NRXN1: variants seen among roughly 807,000 people sequenced by gnomAD.
NRXN1 encodes the protein neurexin-1.
In NRXN1, 39 loss-of-function variants were observed where a neutral mutation model predicts 150.9. That is an observed-to-expected ratio of 0.26 (90% confidence interval 0.20 to 0.34). The LOEUF is 0.34. Ranked by LOEUF, NRXN1 falls within the 10% of genes least tolerant of loss-of-function variation. The pLI, the probability that NRXN1 is intolerant of heterozygous loss-of-function variation, is 1.00. For synonymous variants in NRXN1, 924 were observed against 757.0 expected (o/e 1.22, Z -3.62); for missense variants, 1,815 against 1,949.9 (o/e 0.93, Z 1.30).
intron 8 of NRXN1, among the ~76,000 whole-genome samples, chr2:50,600,321 C>CA (rs1553866509): frequency 8.3e-6 from 1 of 120,236 alleles, no homozygotes; most frequent in African/African-American, 3.2e-5. Flanking sequence ...TTAAGACTAG[C>CA]TTTTTTTTTT....
intron 18 of NRXN1, among the ~76,000 whole-genome samples, chr2:50,184,913 G>T (rs941758546): frequency 2.5e-4 from 38 of 152,116 alleles, no homozygotes; most frequent in Admixed American, 1.1e-3. Context: ...GTAAGTGACA[G>T]AGGTAGGATT....
In NRXN1 at chr2:50,538,540, G is replaced by A; in HGVS notation, c.1856C>T (p.Pro619Leu). 6.3e-7 allele frequency: 1 copy of A among 1,589,510 alleles called. No individual in the cohort carries two copies. Among genetic ancestry groups the A allele is most frequent in the Non-Finnish European group, 8.6e-7 (1 of 1,165,802 alleles). The change falls in exon 10 of 23, where the codon CCA becomes CTA. Residue 619 changes from proline to leucine, a missense_variant. Pro to Leu is a moderately conservative substitution (Grantham distance 98). Transcript: ENST00000401669. ...LDDELYLGGL[P>L]ENKAGLVFPT... ...GAAGACAAGGCCAGCTTTATTTTCT[G>A]GCAGCCCCCCCAGGTACAACTCATC...
chr2:50,690,799 T>G (rs945758697), intron 5 of NRXN1, among the ~76,000 whole-genome samples: 13 of 152,178 alleles, frequency 8.5e-5, no homozygotes, highest in African/African-American at 3.1e-4. Context: ...TGTTAAGTAC[T>G]TCTCTTGATT....
At chr2:50,589,870 T>C (rs979675037) in intron 8 of NRXN1, among the ~76,000 whole-genome samples, 4 of 152,198 alleles carry the variant, frequency 2.6e-5, no homozygotes, top group African/African-American at 9.7e-5. Flanking sequence ...CTATTGTCTG[T>C]TTCCTAGGCA....
intron 17 of NRXN1, among the ~76,000 whole-genome samples, chr2:50,359,236 CA>C (rs1303936032): frequency 6.6e-6 from 1 of 151,868 alleles, no homozygotes; most frequent in Non-Finnish European, 1.5e-5. Context: ...AGCAAGGGAA[CA>C]AAACTGGACG....
chr2:50,620,186 A>G lies in NRXN1; in HGVS notation c.1159-3T>C. The stretch of plus-strand genomic sequence containing the variant: ...ATCCCATCCACTGATATTGTCACCT[A>G]GATAACAAAGCACAGGGAAAGGACA... On this transcript the variant is annotated splice_polypyrimidine_tract_variant and splice_region_variant and intron_variant, in intron 7 of 22. Transcript: ENST00000401669. 6.2e-7 allele frequency: 1 copy of G among 1,613,062 alleles called. No homozygotes were observed. The highest frequency in any genetic ancestry group is 8.5e-7 in the Non-Finnish European group (1 of 1,179,434).
At chr2:50,681,798 A>G (rs1690445687) in intron 5 of NRXN1, among the ~76,000 whole-genome samples, 1 of 152,212 alleles carries the variant, frequency 6.6e-6, no homozygotes, top group Admixed American at 6.5e-5. Context: ...TTGATGTTAA[A>G]TCAATAATGT....
chr2:50,607,229 A>G (rs931522518), intron 8 of NRXN1, among the ~76,000 whole-genome samples: 12 of 152,108 alleles, frequency 7.9e-5, no homozygotes, highest in African/African-American at 2.7e-4. Context: ...TTGTCTTTTT[A>G]TAAACATGAT....
intron 9 of NRXN1, among the ~76,000 whole-genome samples, chr2:50,548,711 G>A (rs903223159): frequency 2.7e-5 from 4 of 150,822 alleles, no homozygotes; most frequent in African/African-American, 7.3e-5. Context: ...TGGAAATTAT[G>A]AACCTTATAA....
In NRXN1 at chr2:50,100,945, G is replaced by T. The variant is rs181994784; in HGVS notation, c.3547-9451C>A. Among the ~76,000 whole-genome samples the T allele has an allele frequency of 3.6e-4, 55 of 152,128 alleles. 1 individual carries two copies. Among genetic ancestry groups the T allele is most frequent in the Admixed American group, 3.1e-3 (47 of 15,260 alleles). On this transcript the variant is annotated intron_variant, in intron 18 of 22. Coordinates refer to ENST00000401669, the MANE Select transcript of NRXN1 (RefSeq NM_001330078.2). ...TATGGAACCTTCTTAATTTTTCACA[G>T]GTAATACTTTCCATTTGGATAGTTA...
At chr2:50,894,013 T>G (rs941637451) in intron 5 of NRXN1, among the ~76,000 whole-genome samples, 4 of 151,968 alleles carry the variant, frequency 2.6e-5, no homozygotes, top group Non-Finnish European at 5.9e-5. Context: ...TGTTGGACAT[T>G]TGGGTTGGTT....
intron 21 of NRXN1, among the ~76,000 whole-genome samples, chr2:49,995,871 A>G (rs1682891982): frequency 7.3e-6 from 1 of 137,210 alleles, no homozygotes; most frequent in South Asian, 2.6e-4. Flanking sequence ...TAAAAAAAAA[A>G]AAAAAAAAAA....
At chr2:50,380,475 G>C (rs544621159) in intron 17 of NRXN1, among the ~76,000 whole-genome samples, 2 of 151,930 alleles carry the variant, frequency 1.3e-5, no homozygotes, top group Non-Finnish European at 2.9e-5. Context: ...TTGAGATTTA[G>C]ATTGATAATA....
intron 5 of NRXN1, among the ~76,000 whole-genome samples, chr2:50,628,289 T>C (rs1225973840): frequency 6.6e-6 from 1 of 151,802 alleles, no homozygotes; most frequent in Non-Finnish European, 1.5e-5. Flanking sequence ...TTCCCCTTAC[T>C]TAAAAATGAA....
chr2:50,302,151 A>G (rs2074212377), intron 17 of NRXN1, among the ~76,000 whole-genome samples: 1 of 152,214 alleles, frequency 6.6e-6, no homozygotes, highest in Non-Finnish European at 1.5e-5. Flanking sequence ...TTTGAAACTA[A>G]GTTTTGTGGC....
In NRXN1 at chr2:50,595,721, G is replaced by T. The variant is rs1675089433; in HGVS notation, c.1320+24301C>A. The stretch of plus-strand genomic sequence containing the variant: ...CTTGTAATTCTGCCATAGAAAGGGA[G>T]AATTTGAAGGCATAAGTCTCTCAGG... On this transcript the variant is annotated intron_variant, in intron 8 of 22. Coordinates refer to ENST00000401669, the MANE Select transcript of NRXN1 (RefSeq NM_001330078.2). Among the ~76,000 whole-genome samples the T allele has an allele frequency of 3.9e-5, 6 of 152,158 alleles. No individual in the cohort carries two copies. The South Asian group carries it at 1.0e-3, about 26-fold the overall frequency.
chr2:50,886,431 T>C (rs1365198016), intron 5 of NRXN1, among the ~76,000 whole-genome samples: 5 of 151,440 alleles, frequency 3.3e-5, no homozygotes, highest in Non-Finnish European at 7.4e-5. Context: ...TTGTGGTTTC[T>C]ATTCAAATTA....
At position 50,538,302 on chromosome 2, in the gene NRXN1, A is replaced by AT; in HGVS notation, c.2093dup (p.Tyr698Ter). Reference protein sequence around the residue: ...NGMCRDGWNRYVCDCSGTGYL... With the variant: ...NGMCRDGWNR The stretch of plus-strand genomic sequence containing the variant: ...AGCCTGTTCCGGAACAATCACAGAC[A>AT]TATCTGTTCCACCCATCCCTGCACA... Residue 698 changes from tyrosine (Y) to a stop codon, truncating the protein, a stop_gained and frameshift_variant, in exon 10 of 23, where the codon TAT (tyrosine) becomes TAAT (stop). Coordinates refer to ENST00000401669, the MANE Select transcript of NRXN1 (RefSeq NM_001330078.2). LOFTEE classifies it high-confidence loss of function. 6.2e-7 allele frequency: 1 copy of AT among 1,613,898 alleles called. No homozygotes were observed. Among genetic ancestry groups the AT allele is most frequent in the Non-Finnish European group, 8.5e-7 (1 of 1,179,832 alleles).
Position 50,237,207 on chromosome 2 carries a change from A to C in NRXN1, c.3365-237T>G, listed in dbSNP as rs947149361. Among the ~76,000 whole-genome samples, 4 of 152,218 alleles carry C rather than the reference A, an allele frequency of 2.6e-5. No homozygotes were observed. The East Asian group carries it at 5.8e-4, about 22-fold the overall frequency. On this transcript the variant is annotated intron_variant, in intron 17 of 22. Coordinates refer to ENST00000401669, the MANE Select transcript of NRXN1 (RefSeq NM_001330078.2). ...AATTTACCAGTAGGTGTTTCAGAAC[A>C]AATAGTAGGTTATTGTGTTTTCCAT...
Sources: allele counts gnomAD v4.1 joint callset (sites outside exome capture counted in the v4.1 genomes callset), GRCh38; gene constraint gnomAD v4.1.1; transcripts MANE v1.5; gene names NCBI Gene and HGNC (gene_info 2026-07-23, HGNC 2026-07-21).